The following AOPEP variants were observed in gnomAD, a reference collection of about 807,000 sequenced individuals.
AOPEP encodes the protein aminopeptidase O (putative).
Under a neutral mutation model 98.1 loss-of-function variants are expected in AOPEP, and 77 were observed. The observed-to-expected ratio is 0.78, with a 90% CI of 0.65 to 0.95. AOPEP has a LOEUF of 0.95. AOPEP is among the 40% of genes least tolerant of loss of function. AOPEP has a pLI of 0.00. For synonymous variants in AOPEP, 346 were observed against 365.3 expected (o/e 0.95, Z 0.60); for missense variants, 1,024 against 1,024.7 (o/e 1.00, Z 0.01).
intron 5 of AOPEP, among the ~76,000 whole-genome samples, chr9:94,855,746 A>G (rs926216516): frequency 2.0e-5 from 3 of 152,206 alleles, no homozygotes; most frequent in Admixed American, 1.3e-4. Flanking sequence ...TAATTTGCCT[A>G]GAACTGGTGG....
intron 6 of AOPEP, among the ~76,000 whole-genome samples, chr9:94,926,854 T>C (rs2136941559): frequency 6.6e-6 from 1 of 152,314 alleles, no homozygotes; most frequent in East Asian, 1.9e-4. Context: ...GGAGACCACC[T>C]TCCACTCAGA....
chr9:95,045,189 A>T (rs1341096229), intron 13 of AOPEP, among the ~76,000 whole-genome samples: 1 of 152,232 alleles, frequency 6.6e-6, no homozygotes, highest in Non-Finnish European at 1.5e-5. Flanking sequence ...AGCGTCTGCG[A>T]AATCACTGTG....
In AOPEP at chr9:94,759,868, G is replaced by A. The variant is rs765508797; in HGVS notation, c.85G>A (p.Asp29Asn). ...CATACTTGTGAAGCACTATGTACTGGATTTGGATGTGGATTTTGAAAGTCA... is the reference window on the plus strand; with the variant it reads ...CATACTTGTGAAGCACTATGTACTGAATTTGGATGTGGATTTTGAAAGTCA... ...SHILVKHYVL[D>N]LDVDFESQVI... Residue 29 changes from aspartate (D) to asparagine (N), a missense_variant, in exon 2 of 17, where the codon GAT (aspartate) becomes AAT (asparagine). By Grantham distance (23) the Asp-to-Asn change is conservative (BLOSUM62 1). Around this residue, in one of 3 missense-constraint regions of AOPEP, gnomAD observed 440 missense variants for 433.8 expected, o/e 1.01. Transcript: ENST00000375315. 7.4e-6 allele frequency: 12 copies of A among 1,614,044 alleles called. No homozygotes were observed. The South Asian group carries it at 1.3e-4, about 18-fold the overall frequency.
downstream of AOPEP, among the ~76,000 whole-genome samples, chr9:95,089,801 C>G (rs2070841407): frequency 6.6e-6 from 1 of 152,214 alleles, no homozygotes; most frequent in African/African-American, 2.4e-5. Flanking sequence ...ATGGGTGGGA[C>G]CTGTCACAGG....
the AOPEP span, among the ~76,000 whole-genome samples, chr9:95,092,631 G>A: frequency 1.1e-4 from 16 of 152,320 alleles, no homozygotes; most frequent in African/African-American, 3.6e-4. Context: ...GAATCTGTCC[G>A]CCACTTTAAA....
chr9:94,980,577 A>T lies in AOPEP; in HGVS notation c.1977+1150A>T, dbSNP rs2060122367. On this transcript the variant is annotated intron_variant, in intron 11 of 16. Transcript: ENST00000375315. The surrounding 1 kb of genome is among the most constrained non-coding windows in gnomAD (Gnocchi z 4.3). ...GGGGAAATGTCAGCCATCAGCAACC[A>T]TAAGCTCATTCCTAAAAAAGGACAG... Among the ~76,000 whole-genome samples the T allele has an allele frequency of 6.6e-6, 1 of 152,252 alleles. No homozygotes were observed. Among genetic ancestry groups the T allele is most frequent in the African/African-American group, 2.4e-5 (1 of 41,470 alleles).
chr9:94,931,669 A>G (rs986310151), intron 7 of AOPEP: 1 of 1,218,390 alleles, frequency 8.2e-7, no homozygotes. Flanking sequence ...TGGTCTTGAA[A>G]TGATGGGCCA....
chr9:94,968,875 G>T (rs2059365086), intron 10 of AOPEP, among the ~76,000 whole-genome samples: 1 of 152,184 alleles, frequency 6.6e-6, no homozygotes. Flanking sequence ...GTGCTGTTCA[G>T]CATCATCATG....
intron 14 of AOPEP, among the ~76,000 whole-genome samples, chr9:95,074,518 C>T (rs376278769): frequency 3.2e-4 from 49 of 152,292 alleles, no homozygotes; most frequent in Non-Finnish European, 5.4e-4. Context: ...GTATAAATTG[C>T]GCCTCTGTGT....
At chr9:95,133,287 A>G in the AOPEP span, among the ~76,000 whole-genome samples, 1 of 152,232 alleles carries the variant, frequency 6.6e-6, no homozygotes. Flanking sequence ...TCTGTATTGT[A>G]ATTACGTCCT....
At chr9:94,736,166 AG>A (rs1239168852) in intron 1 of AOPEP, among the ~76,000 whole-genome samples, 1 of 152,126 alleles carries the variant, frequency 6.6e-6, no homozygotes, top group South Asian at 2.1e-4. Flanking sequence ...AATTCTGTAG[AG>A]TGTCTTAGAG....
At chr9:95,044,276 T>G (rs1363024652) in intron 13 of AOPEP, among the ~76,000 whole-genome samples, 1 of 152,172 alleles carries the variant, frequency 6.6e-6, no homozygotes, top group African/African-American at 2.4e-5. Flanking sequence ...TTAACATATT[T>G]TCATCATTTA....
rs149591646 is a variant in AOPEP at position 94,834,873 on chromosome 9, A to G, written c.1364+33871A>G. Reference sequence around the variant, plus strand: ...ACATACAAACAATAAAACAAAAAAGATTTTTTATCTTTTAGAGCTATATAC... The same window carrying G: ...ACATACAAACAATAAAACAAAAAAGGTTTTTTATCTTTTAGAGCTATATAC... On this transcript the variant is annotated intron_variant, in intron 5 of 16. Coordinates refer to ENST00000375315, the MANE Select transcript of AOPEP (RefSeq NM_001193329.3). 6.4e-3 allele frequency among the ~76,000 whole-genome samples: 966 copies of G among 152,098 alleles called. 9 individuals carry two copies. The highest frequency in any genetic ancestry group is 0.022 in the African/African-American group (920 of 41,466).
chr9:95,064,280 G>A (rs906922919), intron 14 of AOPEP, among the ~76,000 whole-genome samples: 4 of 152,190 alleles, frequency 2.6e-5, no homozygotes, highest in African/African-American at 9.6e-5. Flanking sequence ...AATGGGTCTA[G>A]GTCTCCTCTA....
intron 13 of AOPEP, among the ~76,000 whole-genome samples, chr9:95,052,773 GA>G (rs567814712): frequency 3.3e-5 from 5 of 151,780 alleles, no homozygotes; most frequent in Admixed American, 6.6e-5. Context: ...TTTTCCCTTG[GA>G]AAAAAAATCT....
At chr9:94,932,949 C>T (rs987136475) in intron 7 of AOPEP, 13 of 985,248 alleles carry the variant, frequency 1.3e-5, no homozygotes, top group East Asian at 1.1e-4. Context: ...TGAGGCAAGA[C>T]GATTTGCTCA....
intron 13 of AOPEP, among the ~76,000 whole-genome samples, chr9:95,039,326 G>A (rs2065092980): frequency 6.6e-6 from 1 of 152,042 alleles, no homozygotes; most frequent in Non-Finnish European, 1.5e-5. Flanking sequence ...CAGCACTTTG[G>A]GAGGCTGAGG....
chr9:95,050,437 G>A (rs778325073), intron 13 of AOPEP, among the ~76,000 whole-genome samples: 9 of 152,114 alleles, frequency 5.9e-5, no homozygotes, highest in Non-Finnish European at 1.2e-4. Flanking sequence ...CTGTGTGGAC[G>A]AGAATCCAAA....
intron 5 of AOPEP, among the ~76,000 whole-genome samples, chr9:94,837,573 G>T (rs576034424): frequency 1.3e-5 from 2 of 152,282 alleles, no homozygotes; most frequent in African/African-American, 4.8e-5. Flanking sequence ...GGTCAAGCGG[G>T]TTTCATACCA....
Sources: allele counts gnomAD v4.1 joint callset (sites outside exome capture counted in the v4.1 genomes callset), GRCh38; gene constraint gnomAD v4.1.1; regional missense constraint gnomAD v4.1.1; non-coding constraint Gnocchi (gnomAD v3.1); transcripts MANE v1.5; gene names NCBI Gene and HGNC (gene_info 2026-07-23, HGNC 2026-07-21).